Variants in PROS1 observed in about 807,000 individuals in gnomAD.
The protein encoded by PROS1 is protein S.
Under a neutral mutation model 75.9 loss-of-function variants are expected in PROS1, and 29 were observed. That is an observed-to-expected ratio of 0.38 (90% confidence interval 0.28 to 0.52). The LOEUF (loss-of-function observed/expected upper bound fraction) is 0.52, where lower values mean the gene tolerates loss of function less well. PROS1 is among the 20% of genes least tolerant of loss of function. PROS1 has a pLI of 0.83. For synonymous variants in PROS1, 245 were observed against 280.6 expected, an observed-to-expected ratio of 0.87 and a Z score of 1.27; for missense variants, 680 against 810.3, an observed-to-expected ratio of 0.84 and a Z score of 1.95.
At chr3:93,906,181 A>G in intron 4 of PROS1, 38 bp from the exon 5 acceptor site, 3 of 1,604,094 alleles carry the variant, frequency 1.9e-6, no homozygotes, top group Non-Finnish European at 2.6e-6. Context: ...TTTTTATCTC[A>G]TGTCATGGAA....
At chr3:93,901,252 A>G (rs1445295277) in intron 6 of PROS1, among the ~76,000 whole-genome samples, 1 of 152,212 alleles carries the variant, frequency 6.6e-6, no homozygotes, top group African/African-American at 2.4e-5. Context: ...GATTCACTCC[A>G]TATTATCACA....
intron 12 of PROS1, among the ~76,000 whole-genome samples, chr3:93,884,495 G>A (rs1296095732): frequency 1.3e-5 from 2 of 152,148 alleles, no homozygotes; most frequent in African/African-American, 4.8e-5. Context: ...AAGGAATCAG[G>A]CTATGTACTG....
intron 12 of PROS1, among the ~76,000 whole-genome samples, chr3:93,883,076 AT>A (rs1280519542): frequency 3.3e-5 from 5 of 152,200 alleles, no homozygotes; most frequent in African/African-American, 1.2e-4. Context: ...AACAGTGAAA[AT>A]TCCACACTCC....
chr3:93,898,239 C>CT (rs368550207), intron 8 of PROS1, among the ~76,000 whole-genome samples: 10 of 151,938 alleles, frequency 6.6e-5, no homozygotes, highest in South Asian at 2.1e-4. Context: ...ACTCTACCCT[C>CT]TTTTTTTTAA....
intron 7 of PROS1, among the ~76,000 whole-genome samples, chr3:93,899,146 C>T (rs1473475204): frequency 6.6e-6 from 1 of 151,024 alleles, no homozygotes; most frequent in Non-Finnish European, 1.5e-5. Flanking sequence ...AGGGAAATAT[C>T]TGTTTTTTTT....
intron 10 of PROS1, among the ~76,000 whole-genome samples, chr3:93,890,000 A>G (rs1011251158): frequency 2.6e-5 from 4 of 152,180 alleles, no homozygotes; most frequent in African/African-American, 9.7e-5. Context: ...ACCTGCAAGT[A>G]GGGAAGATAT....
intron 14 of PROS1, among the ~76,000 whole-genome samples, chr3:93,876,218 T>C (rs1020382867): frequency 6.6e-6 from 1 of 152,188 alleles, no homozygotes; most frequent in African/African-American, 2.4e-5. Flanking sequence ...CTGGACTATT[T>C]TGAAAATTAA....
chr3:93,902,669 C>T (rs1576185138), intron 6 of PROS1, among the ~76,000 whole-genome samples: 1 of 151,588 alleles, frequency 6.6e-6, no homozygotes, highest in African/African-American at 2.4e-5. Context: ...AGGAGAATCA[C>T]TTGAACCCGG....
chr3:93,966,242 A>G (rs1444837159), intron 1 of PROS1, among the ~76,000 whole-genome samples: 1 of 152,190 alleles, frequency 6.6e-6, no homozygotes, highest in African/African-American at 2.4e-5. Flanking sequence ...ACAATGAGAA[A>G]TTGCCTGAGA....
intron 1 of PROS1, among the ~76,000 whole-genome samples, chr3:93,950,384 C>A (rs2107241694): frequency 6.6e-6 from 1 of 152,334 alleles, no homozygotes; most frequent in Admixed American, 6.5e-5. Flanking sequence ...AGACTGCCTC[C>A]TCAAGTGGGT....
chr3:93,880,724 C>T (rs752909613), intron 12 of PROS1, among the ~76,000 whole-genome samples: 5 of 151,854 alleles, frequency 3.3e-5, no homozygotes, highest in African/African-American at 9.7e-5. Flanking sequence ...AATGAACACA[C>T]GAATGTATAG....
chr3:93,917,870 G>C lies in PROS1; in HGVS notation c.259+6370C>G, dbSNP rs985321015. The stretch of plus-strand genomic sequence containing the variant: ...AGCCCACCATGCCTGAGCCTCCCCC[G>C]CCTCTGTGGGCTCCTGTGCCATGAA... On this transcript the variant is annotated intron_variant, in intron 3 of 14. Transcript: ENST00000394236. Among the ~76,000 whole-genome samples the C allele has an allele frequency of 4.6e-5, 7 of 152,234 alleles. No homozygotes were observed. The South Asian group carries it at 6.2e-4, about 14-fold the overall frequency.
At chr3:93,935,250 T>G (rs1709165463) in intron 1 of PROS1, among the ~76,000 whole-genome samples, 1 of 152,138 alleles carries the variant, frequency 6.6e-6, no homozygotes, top group African/African-American at 2.4e-5. Context: ...GCAAACTGGT[T>G]ATGTTTCCTA....
At chr3:93,886,223 C>T (rs1372835964) in intron 11 of PROS1, 113 bp downstream of exon 11, 3 of 905,538 alleles carry the variant, frequency 3.3e-6, no homozygotes, top group Admixed American at 1.9e-5. Context: ...AGTTGTCACA[C>T]TTAGTATGCT....
intron 1 of PROS1, among the ~76,000 whole-genome samples, chr3:93,965,335 A>G (rs535587844): frequency 2.0e-5 from 3 of 152,128 alleles, no homozygotes; most frequent in African/African-American, 7.2e-5. Context: ...CCGGATCCGG[A>G]AGGGTGTCCG....
intron 1 of PROS1, among the ~76,000 whole-genome samples, chr3:93,952,823 G>C (rs1488717147): frequency 6.6e-6 from 1 of 152,148 alleles, no homozygotes; most frequent in Non-Finnish European, 1.5e-5. Flanking sequence ...AAAATTGTTA[G>C]ACCACTAGTG....
intron 1 of PROS1, among the ~76,000 whole-genome samples, chr3:93,944,520 T>C (rs1232824186): frequency 2.6e-5 from 4 of 152,118 alleles, no homozygotes; most frequent in Admixed American, 2.6e-4. Context: ...ACCACTCAAC[T>C]ACATGGAAAC....
At chr3:93,935,487 G>A (rs1182993163) in intron 1 of PROS1, among the ~76,000 whole-genome samples, 2 of 152,072 alleles carry the variant, frequency 1.3e-5, no homozygotes, top group African/African-American at 4.8e-5. Flanking sequence ...CTGTACTTAT[G>A]TTTGGAAAAG....
intron 1 of PROS1, among the ~76,000 whole-genome samples, chr3:93,942,396 T>C (rs1709303325): frequency 6.6e-6 from 1 of 152,162 alleles, no homozygotes; most frequent in African/African-American, 2.4e-5. Flanking sequence ...GCCTCTTTAA[T>C]GAAAACTCTT....
Sources: allele counts gnomAD v4.1 joint callset (sites outside exome capture counted in the v4.1 genomes callset), GRCh38; gene constraint gnomAD v4.1.1; transcripts MANE v1.5; gene names NCBI Gene and HGNC (gene_info 2026-07-23, HGNC 2026-07-21).